The following TMEM108 variants were observed in gnomAD, a reference collection of about 807,000 sequenced individuals.
The protein encoded by TMEM108 is cancer/testis antigen 124.
A neutral mutation model predicts 35.1 loss-of-function variants in TMEM108; 12 were observed. The ratio of observed to expected loss-of-function variants is 0.34; its 90% CI spans 0.22 to 0.55. The LOEUF (loss-of-function observed/expected upper bound fraction) is 0.55, where lower values mean the gene tolerates loss of function less well. TMEM108 is among the 20% of genes least tolerant of loss of function. TMEM108 has a pLI of 0.89. For synonymous variants in TMEM108, 287 were observed against 308.6 expected (o/e 0.93, Z 0.73); for missense variants, 680 against 753.3 (o/e 0.90, Z 1.14).
chr3:133,374,023 T>A (rs2072757787), intron 3 of TMEM108, among the ~76,000 whole-genome samples: 1 of 152,198 alleles, frequency 6.6e-6, no homozygotes. Context: ...TGTTACTCTC[T>A]GCAAGGTCTC....
At chr3:133,388,304 T>C in intron 4 of TMEM108, 1 of 983,710 alleles carries the variant, frequency 1.0e-6, no homozygotes, top group South Asian at 4.7e-5. Context: ...GGACCCGGGA[T>C]CTTGTCCCAG....
At chr3:133,272,472 T>A (rs963154660) in intron 3 of TMEM108, among the ~76,000 whole-genome samples, 4 of 152,166 alleles carry the variant, frequency 2.6e-5, no homozygotes, top group Non-Finnish European at 4.4e-5. Flanking sequence ...TTACAGTTGA[T>A]GGAGGTTAAA....
intron 2 of TMEM108, among the ~76,000 whole-genome samples, chr3:133,156,064 T>TTTTATTTA (rs4017412): frequency 0.18 from 26,881 of 146,042 alleles, 2,707 homozygotes; most frequent in Admixed American, 0.29. Flanking sequence ...TTATTTTTTC[T>TTTTATTTA]TTTATTTATT....
At chr3:133,043,626 A>G (rs1943301331) in intron 1 of TMEM108, among the ~76,000 whole-genome samples, 2 of 152,142 alleles carry the variant, frequency 1.3e-5, no homozygotes, top group South Asian at 2.1e-4. Context: ...CTTCTCCCCC[A>G]ATCTGACTTG....
At chr3:133,183,209 G>A (rs12493846) in intron 2 of TMEM108, among the ~76,000 whole-genome samples, 29,953 of 152,140 alleles carry the variant, frequency 0.2, 3,828 homozygotes, top group East Asian at 0.39. Context: ...AGTTGGGAAT[G>A]TTTGTACCAT....
intron 2 of TMEM108, among the ~76,000 whole-genome samples, chr3:133,216,368 C>G (rs1217154872): frequency 6.6e-6 from 1 of 152,074 alleles, no homozygotes; most frequent in African/African-American, 2.4e-5. Context: ...CTGTGTTTCT[C>G]TTGTGCTAAT....
chr3:133,127,949 TC>T (rs1465491356), intron 2 of TMEM108, among the ~76,000 whole-genome samples: 1 of 152,234 alleles, frequency 6.6e-6, no homozygotes, highest in Non-Finnish European at 1.5e-5. Flanking sequence ...TAGGTAGGTA[TC>T]TTGCTTTGGG....
intron 3 of TMEM108, among the ~76,000 whole-genome samples, chr3:133,311,366 G>T (rs2071126505): frequency 6.6e-6 from 1 of 152,104 alleles, no homozygotes; most frequent in Non-Finnish European, 1.5e-5. Flanking sequence ...TGTAGATTTG[G>T]TCTTTTCACA....
At chr3:133,373,218 G>A (rs1045879053) in intron 3 of TMEM108, among the ~76,000 whole-genome samples, 20 of 151,986 alleles carry the variant, frequency 1.3e-4, no homozygotes, top group African/African-American at 4.6e-4. Flanking sequence ...GCACAGTGGC[G>A]TGTGCCTGTA....
rs1946812743 is a variant in TMEM108, at chr3:133,274,461, A to C, written c.40+45110A>C. Among the ~76,000 whole-genome samples, 4 of 152,192 alleles carry C rather than the reference A, an allele frequency of 2.6e-5. No individual in the cohort carries two copies. The South Asian group carries it at 8.3e-4, about 31-fold the overall frequency. On this transcript the variant is annotated intron_variant, in intron 3 of 5. Transcript: ENST00000321871. ...GTCTTCCCAAGCCTGGCTTGGAGGT[A>C]TCAAAAAGGAATCTGTACCTAACTT...
intron 2 of TMEM108, among the ~76,000 whole-genome samples, chr3:133,186,284 A>G (rs7642901): frequency 0.23 from 34,820 of 152,122 alleles, 4,191 homozygotes; most frequent in East Asian, 0.48. Context: ...ACATTCTTGA[A>G]TCTTACTTTC....
chr3:133,143,647 G>A (rs1559846252), intron 2 of TMEM108, among the ~76,000 whole-genome samples: 1 of 152,122 alleles, frequency 6.6e-6, no homozygotes, highest in Non-Finnish European at 1.5e-5. Context: ...TACCCAAGAA[G>A]GCAGAAACAG....
chr3:133,386,401 C>T (rs528124923), intron 4 of TMEM108: 269 of 1,536,130 alleles, frequency 1.8e-4, no homozygotes, highest in Admixed American at 4.7e-4. Flanking sequence ...TGCAGGGTTT[C>T]ATTTCCATTT....
chr3:133,157,475 A>G (rs1944898097), intron 2 of TMEM108, among the ~76,000 whole-genome samples: 1 of 152,206 alleles, frequency 6.6e-6, no homozygotes, highest in Non-Finnish European at 1.5e-5. Context: ...TATTACCACA[A>G]AATTAAACCT....
chr3:133,106,531 C>G (rs1944155600), intron 2 of TMEM108, among the ~76,000 whole-genome samples: 2 of 152,194 alleles, frequency 1.3e-5, no homozygotes, highest in Non-Finnish European at 2.9e-5. Flanking sequence ...CTGGTACTCA[C>G]ACTTTTGTGT....
intron 3 of TMEM108, among the ~76,000 whole-genome samples, chr3:133,286,806 A>T (rs1454057655): frequency 6.6e-6 from 1 of 152,210 alleles, no homozygotes; most frequent in Non-Finnish European, 1.5e-5. Context: ...TCCACTGAAC[A>T]CTGACATAGA....
At chr3:133,378,742 G>A (rs982151128) in intron 3 of TMEM108, among the ~76,000 whole-genome samples, 13 of 150,280 alleles carry the variant, frequency 8.7e-5, no homozygotes, top group South Asian at 2.1e-4. Flanking sequence ...AAACATATAC[G>A]TTTTTGTCCT....
At chr3:133,379,026 G>A (rs1262148535) in intron 3 of TMEM108, among the ~76,000 whole-genome samples, 1 of 151,952 alleles carries the variant, frequency 6.6e-6, no homozygotes, top group Non-Finnish European at 1.5e-5. Context: ...CTAGACCCCG[G>A]TCCTCTTCTG....
intron 3 of TMEM108, among the ~76,000 whole-genome samples, chr3:133,374,884 AG>A (rs2072788470): frequency 6.6e-6 from 1 of 152,240 alleles, no homozygotes; most frequent in South Asian, 2.1e-4. Context: ...TGAATGGCAG[AG>A]CCCCCTGGGG....
Sources: gnomAD v4.1 joint callset for allele counts (sites outside exome capture counted in the v4.1 genomes callset) on GRCh38, gnomAD v4.1.1 for gene constraint, MANE v1.5 for transcripts, NCBI Gene and HGNC (gene_info 2026-07-23, HGNC 2026-07-21) for gene names.